PLCB1: variants seen among roughly 807,000 people sequenced by gnomAD.
The protein encoded by PLCB1 is 1-phosphatidylinositol 4,5-bisphosphate phosphodiesterase beta-1.
In PLCB1, 46 loss-of-function variants were observed where a neutral mutation model predicts 161.8. That is an observed-to-expected ratio of 0.28 (90% CI 0.22 to 0.36). The LOEUF is 0.36. PLCB1 is among the 10% of genes least tolerant of loss of function. The probability of loss-of-function intolerance (pLI) is 1.00; values close to 1 mark genes in which losing one functional copy is unlikely to be tolerated. For missense variants in PLCB1, 1,016 were observed against 1,472.5 expected, an observed-to-expected ratio of 0.69 and a Z score of 5.07; for synonymous variants, 517 against 503.7, an observed-to-expected ratio of 1.03 and a Z score of -0.35.
At chr20:8,348,285 C>T (rs1201684946) in intron 2 of PLCB1, among the ~76,000 whole-genome samples, 3 of 152,156 alleles carry the variant, frequency 2.0e-5, no homozygotes, top group Non-Finnish European at 4.4e-5. Context: ...CAAACATGCA[C>T]GAAGGAAGGT....
intron 3 of PLCB1, among the ~76,000 whole-genome samples, chr20:8,521,222 A>G (rs1278158264): frequency 2.6e-5 from 4 of 151,994 alleles, no homozygotes; most frequent in African/African-American, 9.7e-5. Context: ...TTTTTCCATA[A>G]TTTTTATTAA....
intron 2 of PLCB1, among the ~76,000 whole-genome samples, chr20:8,267,868 G>A (rs1982052705): frequency 6.6e-6 from 1 of 151,988 alleles, no homozygotes; most frequent in Admixed American, 6.6e-5. Context: ...ACTGGCTGAA[G>A]CAGAGTTACA....
At chr20:8,862,110 A>T (rs1261033306) in intron 31 of PLCB1, among the ~76,000 whole-genome samples, 1 of 152,236 alleles carries the variant, frequency 6.6e-6, no homozygotes, top group Admixed American at 6.5e-5. Flanking sequence ...CTGCTACTGA[A>T]TACAGCACAG....
intron 31 of PLCB1, among the ~76,000 whole-genome samples, chr20:8,800,246 G>T (rs1350003603): frequency 2.0e-5 from 3 of 152,182 alleles, no homozygotes; most frequent in Admixed American, 2.0e-4. Context: ...TGTTTTCCAT[G>T]TATTATATTA....
chr20:8,488,930 TATAAC>T, intron 3 of PLCB1, among the ~76,000 whole-genome samples: 1 of 152,310 alleles, frequency 6.6e-6, no homozygotes, highest in Admixed American at 6.5e-5. Flanking sequence ...TTATGAAAAA[TATAAC>T]ATGGCAAAGG....
At chr20:8,344,771 G>T (rs2745787) in intron 2 of PLCB1, among the ~76,000 whole-genome samples, 33,829 of 152,198 alleles carry the variant, frequency 0.22, 4,138 homozygotes, top group African/African-American at 0.28. Flanking sequence ...CAATTGACTT[G>T]AACTCCTCTA....
intron 3 of PLCB1, among the ~76,000 whole-genome samples, chr20:8,395,355 G>T (rs1186208963): frequency 1.3e-5 from 2 of 151,864 alleles, no homozygotes; most frequent in Admixed American, 1.3e-4. Flanking sequence ...AGAAGGCATT[G>T]TCTACATATT....
chr20:8,814,084 G>C (rs1338256336), intron 31 of PLCB1, among the ~76,000 whole-genome samples: 1 of 152,108 alleles, frequency 6.6e-6, no homozygotes, highest in South Asian at 2.1e-4. Flanking sequence ...TAAATTTTGT[G>C]CCTAATTATA....
At chr20:8,414,133 A>G (rs1979165585) in intron 3 of PLCB1, among the ~76,000 whole-genome samples, 1 of 151,770 alleles carries the variant, frequency 6.6e-6, no homozygotes, top group Non-Finnish European at 1.5e-5. Context: ...GAAGAGCACT[A>G]TCAAGACAAA....
At chr20:8,680,913 G>A (rs1204773768) in intron 9 of PLCB1, among the ~76,000 whole-genome samples, 1 of 151,208 alleles carries the variant, frequency 6.6e-6, no homozygotes, top group African/African-American at 2.4e-5. Context: ...TAACTAGTCT[G>A]TATTCAATTT....
At chr20:8,712,767 C>T (rs549344265) in intron 12 of PLCB1, among the ~76,000 whole-genome samples, 1 of 152,256 alleles carries the variant, frequency 6.6e-6, no homozygotes, top group South Asian at 2.1e-4. Context: ...AAGTGAGTTC[C>T]TCGGTCAGAA....
intron 3 of PLCB1, among the ~76,000 whole-genome samples, chr20:8,434,753 G>A (rs1206397181): frequency 6.6e-6 from 1 of 152,266 alleles, no homozygotes; most frequent in Non-Finnish European, 1.5e-5. Context: ...GAGCTCATGA[G>A]CTTAACCAGT....
chr20:8,750,317 A>G (rs190946796), intron 23 of PLCB1, among the ~76,000 whole-genome samples: 1 of 152,354 alleles, frequency 6.6e-6, no homozygotes, highest in East Asian at 1.9e-4. Context: ...TGAAGTCAAC[A>G]GATGAATTTA....
At chr20:8,586,031 G>T (rs1178654487) in intron 3 of PLCB1, among the ~76,000 whole-genome samples, 1 of 152,122 alleles carries the variant, frequency 6.6e-6, no homozygotes, top group African/African-American at 2.4e-5. Context: ...TTCAATAAAT[G>T]CTCGCTGAAT....
chr20:8,234,034 T>C (rs1980202231), intron 2 of PLCB1, among the ~76,000 whole-genome samples: 1 of 152,150 alleles, frequency 6.6e-6, no homozygotes, highest in Non-Finnish European at 1.5e-5. Context: ...CTATGGGTAT[T>C]CTAGTGTTCA....
intron 18 of PLCB1, among the ~76,000 whole-genome samples, chr20:8,732,680 C>T (rs1980321340): frequency 7.2e-6 from 1 of 138,576 alleles, no homozygotes; most frequent in African/African-American, 2.8e-5. Context: ...CTAATATATG[C>T]TTTATATATT....
chr20:8,502,786 A>T (rs1003052812), intron 3 of PLCB1, among the ~76,000 whole-genome samples: 31 of 152,184 alleles, frequency 2.0e-4, no homozygotes, highest in African/African-American at 7.2e-4. Flanking sequence ...ATTACAGATA[A>T]TAATTTTGCC....
intron 4 of PLCB1, among the ~76,000 whole-genome samples, chr20:8,632,694 G>A (rs183884385): frequency 5.9e-5 from 9 of 152,242 alleles, no homozygotes; most frequent in African/African-American, 1.7e-4. Flanking sequence ...ACAGCACTGC[G>A]CTTGCACTAC....
chr20:8,165,492 T>C (rs1600210587), intron 2 of PLCB1, among the ~76,000 whole-genome samples: 1 of 152,240 alleles, frequency 6.6e-6, no homozygotes, highest in Non-Finnish European at 1.5e-5. Context: ...TCTGTTCTTC[T>C]GGAATACCTT....
Sources: gnomAD v4.1 joint callset for allele counts (sites outside exome capture counted in the v4.1 genomes callset) on GRCh38, gnomAD v4.1.1 for gene constraint, MANE v1.5 for transcripts, NCBI Gene and HGNC (gene_info 2026-07-23, HGNC 2026-07-21) for gene names.